ADGRL2: variants seen among roughly 807,000 people sequenced by gnomAD.
ADGRL2 encodes adhesion G protein-coupled receptor L2.
A neutral mutation model predicts 157.4 loss-of-function variants in ADGRL2; 44 were observed. The observed-to-expected ratio is 0.28, with a 90% CI of 0.22 to 0.36. ADGRL2 has a LOEUF of 0.36. Ranked by LOEUF, ADGRL2 falls within the 10% of genes least tolerant of loss-of-function variation. ADGRL2 has a pLI of 1.00. For missense variants in ADGRL2, 1,510 were observed against 1,768.9 expected (o/e 0.85, Z 2.63); for synonymous variants, 585 against 624.7 (o/e 0.94, Z 0.95).
intron 10 of ADGRL2, among the ~76,000 whole-genome samples, chr1:81,955,022 A>G (rs1413903330): frequency 6.6e-6 from 1 of 152,196 alleles, no homozygotes; most frequent in Admixed American, 6.5e-5. Flanking sequence ...GTGCGTAGCT[A>G]CAGAGTGTAG....
intron 2 of ADGRL2, among the ~76,000 whole-genome samples, chr1:81,786,995 T>C (rs1274264580): frequency 6.6e-6 from 1 of 152,060 alleles, no homozygotes; most frequent in African/African-American, 2.4e-5. Flanking sequence ...ATGGGGGTGG[T>C]TTCCCCTATA....
At chr1:81,656,349 T>G (rs1163863666) in intron 3 of ADGRL2, among the ~76,000 whole-genome samples, 2 of 152,198 alleles carry the variant, frequency 1.3e-5, no homozygotes, top group African/African-American at 2.4e-5. Flanking sequence ...TCTGCCCAAG[T>G]TCATATAGGT....
chr1:81,544,894 A>G (rs1185124547), intron 2 of ADGRL2, among the ~76,000 whole-genome samples: 1 of 152,128 alleles, frequency 6.6e-6, no homozygotes, highest in Non-Finnish European at 1.5e-5. Context: ...CGAACTCTTG[A>G]TTTCCCGCTA....
intron 2 of ADGRL2, among the ~76,000 whole-genome samples, chr1:81,889,959 G>A (rs951993889): frequency 2.6e-5 from 4 of 152,046 alleles, no homozygotes; most frequent in Non-Finnish European, 5.9e-5. Flanking sequence ...GGGTCACCTC[G>A]GTCTCCTCTG....
chr1:81,477,858 C>G (rs1000967602), intron 2 of ADGRL2, among the ~76,000 whole-genome samples: 4 of 152,106 alleles, frequency 2.6e-5, no homozygotes, highest in Non-Finnish European at 4.4e-5. Context: ...AAGCAGCTAC[C>G]ACAGCTGCTG....
chr1:81,985,350 AT>A lies in ADGRL2; in HGVS notation c.3504del (p.Gln1169LysfsTer3). ...SGDINSTSTLNQGMTGNYLLT... is the reference protein window; with the variant it reads ...SGDINSTSTLXQGMTGNYLLT... The stretch of plus-strand genomic sequence containing the variant: ...GACATCAATAGCACTTCAACACTTA[AT>A]CAAGGTCAGTTATCAGGAAAATTTG... On this transcript the variant is annotated frameshift_variant, in exon 21 of 24. Transcript: ENST00000686636. LOFTEE classifies it high-confidence loss of function. 1.3e-6 allele frequency: 2 copies of A among 1,585,762 alleles called. No homozygotes were observed. The highest frequency in any genetic ancestry group is 8.6e-7 in the Non-Finnish European group (1 of 1,159,916).
At chr1:81,649,624 C>T (rs1434434699) in intron 3 of ADGRL2, among the ~76,000 whole-genome samples, 2 of 152,154 alleles carry the variant, frequency 1.3e-5, no homozygotes, top group Non-Finnish European at 2.9e-5. Context: ...TACAAGAAAG[C>T]TAACAGTTAA....
At chr1:81,416,316 C>CAAAAAAA (rs61343094) in intron 1 of ADGRL2, among the ~76,000 whole-genome samples, 1 of 141,220 alleles carries the variant, frequency 7.1e-6, no homozygotes, top group Non-Finnish European at 1.5e-5. Context: ...AACCTTCTTG[C>CAAAAAAA]AAAAAAAAAA....
At chr1:81,948,430 A>G (rs753716003) in intron 6 of ADGRL2, among the ~76,000 whole-genome samples, 6 of 152,160 alleles carry the variant, frequency 3.9e-5, no homozygotes, top group Non-Finnish European at 5.9e-5. Context: ...CAGTGATTAA[A>G]TATGTGCTAG....
intron 2 of ADGRL2, among the ~76,000 whole-genome samples, chr1:81,902,211 T>A (rs147064061): frequency 0.011 from 1,715 of 152,208 alleles, 27 homozygotes; most frequent in South Asian, 0.06. Context: ...AAGATAGGGG[T>A]TGTGAGGACC....
chr1:81,624,201 G>A (rs992901956), intron 3 of ADGRL2, among the ~76,000 whole-genome samples: 8 of 152,160 alleles, frequency 5.3e-5, no homozygotes, highest in Non-Finnish European at 1.0e-4. Flanking sequence ...GTTGTTTTAA[G>A]CTGCCCAGTT....
At chr1:81,823,113 G>A (rs962044990) in intron 1 of ADGRL2, among the ~76,000 whole-genome samples, 9 of 151,160 alleles carry the variant, frequency 6.0e-5, no homozygotes, top group Non-Finnish European at 8.8e-5. Flanking sequence ...GGAGGTCTCC[G>A]AGTTAGTTCC....
At chr1:81,630,571 T>G (rs2081992787) in intron 3 of ADGRL2, among the ~76,000 whole-genome samples, 1 of 152,166 alleles carries the variant, frequency 6.6e-6, no homozygotes, top group Non-Finnish European at 1.5e-5. Flanking sequence ...TCATATGACC[T>G]TCGAGTTTCT....
intron 1 of ADGRL2, among the ~76,000 whole-genome samples, chr1:81,379,819 C>T (rs936568472): frequency 2.0e-5 from 3 of 152,116 alleles, no homozygotes; most frequent in Non-Finnish European, 4.4e-5. Flanking sequence ...TTTCTATAGG[C>T]CTAGGATGGG....
chr1:81,944,653 C>T (rs539490898), intron 6 of ADGRL2, among the ~76,000 whole-genome samples: 15 of 151,936 alleles, frequency 9.9e-5, no homozygotes, highest in African/African-American at 3.6e-4. Context: ...TCTGAATATC[C>T]TAATTTACTG....
chr1:81,861,919 T>C (rs1326251531), intron 2 of ADGRL2, among the ~76,000 whole-genome samples: 1 of 152,164 alleles, frequency 6.6e-6, no homozygotes, highest in African/African-American at 2.4e-5. Flanking sequence ...ATGAATTTGC[T>C]TGGTTTAGTC....
At chr1:81,963,815 T>C (rs1656227770) in intron 11 of ADGRL2, among the ~76,000 whole-genome samples, 1 of 151,212 alleles carries the variant, frequency 6.6e-6, no homozygotes. Flanking sequence ...AAGTATCCTA[T>C]ATTTTTTTGT....
chr1:81,536,771 A>C (rs556011333), intron 2 of ADGRL2, among the ~76,000 whole-genome samples: 1 of 152,350 alleles, frequency 6.6e-6, no homozygotes, highest in East Asian at 1.9e-4. Flanking sequence ...TATAAATAAT[A>C]TATTGATAAA....
At chr1:81,722,608 C>G in intron 1 of ADGRL2, 1 of 1,438,840 alleles carries the variant, frequency 7.0e-7, no homozygotes. Flanking sequence ...AGCCCATGAT[C>G]TTGCCCTTGC....
Sources: allele counts gnomAD v4.1 joint callset (sites outside exome capture counted in the v4.1 genomes callset), GRCh38; gene constraint gnomAD v4.1.1; transcripts MANE v1.5; gene names NCBI Gene and HGNC (gene_info 2026-07-23, HGNC 2026-07-21).